SMIM31: variants seen among roughly 807,000 people sequenced by gnomAD.
SMIM31 encodes the protein small integral membrane protein 31.
chr4:164,783,604 T>C (rs1186929188), intron 2 of SMIM31, among the ~76,000 whole-genome samples: 1 of 129,472 alleles, frequency 7.7e-6, no homozygotes, highest in African/African-American at 3.8e-5. Flanking sequence ...AGTGTTTTCT[T>C]CATGCTTCTT....
chr4:164,781,560 G>A (rs1055414906), intron 2 of SMIM31, among the ~76,000 whole-genome samples: 5 of 152,188 alleles, frequency 3.3e-5, no homozygotes, highest in African/African-American at 9.6e-5. Flanking sequence ...TTTTAGGCCA[G>A]ATCATTCTTT....
At chr4:164,793,220 G>C (rs1031305669) in intron 2 of SMIM31, among the ~76,000 whole-genome samples, 1 of 152,158 alleles carries the variant, frequency 6.6e-6, no homozygotes, top group Non-Finnish European at 1.5e-5. Flanking sequence ...GGAGTGAGGA[G>C]GGAGAAAAGA....
intron 2 of SMIM31, among the ~76,000 whole-genome samples, chr4:164,777,239 G>T (rs1481589618): frequency 6.6e-6 from 1 of 152,184 alleles, no homozygotes. Flanking sequence ...AACATGACCA[G>T]GATAGGCATG....
intron 2 of SMIM31, among the ~76,000 whole-genome samples, chr4:164,790,536 G>T (rs1733085838): frequency 6.6e-6 from 1 of 152,004 alleles, no homozygotes. Flanking sequence ...AATAAATTAG[G>T]CTTAGTTTTC....
intron 2 of SMIM31, among the ~76,000 whole-genome samples, chr4:164,782,587 G>C (rs1230830510): frequency 9.1e-6 from 1 of 109,810 alleles, no homozygotes; most frequent in East Asian, 2.3e-4. Flanking sequence ...CACCGTGTTA[G>C]CCAGGATGGT....
chr4:164,794,073 T>C (rs1187450358), intron 2 of SMIM31, among the ~76,000 whole-genome samples: 1 of 152,092 alleles, frequency 6.6e-6, no homozygotes, highest in Non-Finnish European at 1.5e-5. Context: ...AAAGCCACAA[T>C]CAACAGGTTG....
chr4:164,792,493 A>G (rs1321244539), intron 2 of SMIM31, among the ~76,000 whole-genome samples: 1 of 152,210 alleles, frequency 6.6e-6, no homozygotes, highest in East Asian at 1.9e-4. Flanking sequence ...GGAAAGGAAG[A>G]ACATGAAGAT....
At chr4:164,800,478 A>T (rs980594474) in intron 2 of SMIM31, among the ~76,000 whole-genome samples, 1 of 152,102 alleles carries the variant, frequency 6.6e-6, no homozygotes, top group Non-Finnish European at 1.5e-5. Flanking sequence ...AAAGTGCTGG[A>T]ATTACAGGCA....
At chr4:164,789,246 G>A (rs998943687) in intron 2 of SMIM31, among the ~76,000 whole-genome samples, 1 of 152,190 alleles carries the variant, frequency 6.6e-6, no homozygotes, top group Non-Finnish European at 1.5e-5. Context: ...TGCAGAAACA[G>A]GTCTGTCAGC....
chr4:164,801,110 G>C lies in SMIM31; in HGVS notation c.132G>C (p.Lys44Asn). The C allele has an allele frequency of 2.5e-6, 1 of 398,848 alleles. No homozygotes were observed. Among genetic ancestry groups the C allele is most frequent in the Non-Finnish European group, 4.4e-6 (1 of 226,002 alleles). The allele number at this position is 398,848 out of a possible 1,614,324, so 24.7% of individuals were successfully genotyped here. A position where few individuals can be genotyped will look rare whatever the true frequency, so the allele number is the denominator to read the frequency against. The stretch of plus-strand genomic sequence containing the variant: ...TTGCAGAGGAAGAACATGAAAAAAA[G>C]GGAAGGGAAAAGAAAAGGAAAAAGT... ...DSNEEEEHEK[K>N]GREKKRKKSE... is the part of the protein sequence containing the mutation. Residue 44 changes from lysine to asparagine, a missense_variant, in exon 3 of 3, where the codon AAG becomes AAC. Coordinates refer to ENST00000507311, the MANE Select transcript of SMIM31 (RefSeq NM_001352885.1).
intron 2 of SMIM31, among the ~76,000 whole-genome samples, chr4:164,775,546 G>T (rs1732870724): frequency 6.6e-6 from 1 of 152,072 alleles, no homozygotes; most frequent in African/African-American, 2.4e-5. Flanking sequence ...AAACTACCCT[G>T]CCAAGCTACT....
At chr4:164,759,694 G>A (rs1732619739) in intron 1 of SMIM31, among the ~76,000 whole-genome samples, 1 of 151,994 alleles carries the variant, frequency 6.6e-6, no homozygotes, top group South Asian at 2.1e-4. Flanking sequence ...AATCATATTG[G>A]TAAATACTAA....
chr4:164,757,655 C>T (rs1434365728), intron 1 of SMIM31, among the ~76,000 whole-genome samples: 3 of 151,878 alleles, frequency 2.0e-5, no homozygotes, highest in Non-Finnish European at 4.4e-5. Context: ...CATCGTTCCA[C>T]CACTGTTTTC....
intron 2 of SMIM31, among the ~76,000 whole-genome samples, chr4:164,793,436 G>A (rs1733132588): frequency 6.6e-6 from 1 of 152,084 alleles, no homozygotes; most frequent in Non-Finnish European, 1.5e-5. Flanking sequence ...TCTTACACCA[G>A]GTATTAGTCT....
chr4:164,777,831 AT>A (rs1732897154), intron 2 of SMIM31, among the ~76,000 whole-genome samples: 1 of 152,240 alleles, frequency 6.6e-6, no homozygotes. Flanking sequence ...CCAGGTTAGA[AT>A]CGACTTTATA....
At chr4:164,771,527 C>T (rs759866607) in intron 2 of SMIM31, among the ~76,000 whole-genome samples, 29 of 152,142 alleles carry the variant, frequency 1.9e-4, no homozygotes, top group East Asian at 1.5e-3. Context: ...ACTTGCTGGG[C>T]GCGGTGACTC....
chr4:164,754,923 CTGAG>C (rs1193005222), intron 1 of SMIM31, among the ~76,000 whole-genome samples: 1 of 148,912 alleles, frequency 6.7e-6, no homozygotes, highest in Non-Finnish European at 1.5e-5. Flanking sequence ...GTATTTCCTC[CTGAG>C]TATGATAGAA....
intron 1 of SMIM31, among the ~76,000 whole-genome samples, chr4:164,755,784 T>A (rs997360531): frequency 1.3e-5 from 2 of 152,086 alleles, no homozygotes; most frequent in Non-Finnish European, 2.9e-5. Context: ...AATTACATCA[T>A]CAACAATTTA....
intron 2 of SMIM31, among the ~76,000 whole-genome samples, chr4:164,798,409 ATT>A (rs1211057950): frequency 7.2e-6 from 1 of 138,482 alleles, no homozygotes; most frequent in African/African-American, 2.6e-5. Flanking sequence ...AATATTTTGT[ATT>A]TTTTTTTTTT....
Sources: gnomAD v4.1 joint callset for allele counts (sites outside exome capture counted in the v4.1 genomes callset) on GRCh38, gnomAD v4.1.1 for gene constraint, MANE v1.5 for transcripts, NCBI Gene and HGNC (gene_info 2026-07-23, HGNC 2026-07-21) for gene names.